FARP1: variants seen among roughly 807,000 people sequenced by gnomAD.
FARP1 encodes FERM, ARHGEF and pleckstrin domain-containing protein 1.
In FARP1, 52 loss-of-function variants were observed where a neutral mutation model predicts 128.8. That is an observed-to-expected ratio of 0.40 (90% CI 0.32 to 0.51). The LOEUF (loss-of-function observed/expected upper bound fraction) is 0.51, where lower values mean the gene tolerates loss of function less well. FARP1 is among the 20% of genes least tolerant of loss of function. The probability of loss-of-function intolerance (pLI) is 0.45; values close to 1 mark genes in which losing one functional copy is unlikely to be tolerated. For synonymous variants in FARP1, 580 were observed against 551.8 expected (o/e 1.05, Z -0.72); for missense variants, 1,333 against 1,367.9 (o/e 0.97, Z 0.40).
chr13:98,192,029 A>G (rs1279515208), intron 1 of FARP1, among the ~76,000 whole-genome samples: 3 of 152,168 alleles, frequency 2.0e-5, no homozygotes, highest in Admixed American at 2.0e-4. Flanking sequence ...AATTCTTTGC[A>G]TCTGACATCC....
At chr13:98,377,398 C>T (rs368348978) in intron 5 of FARP1, among the ~76,000 whole-genome samples, 1 of 151,644 alleles carries the variant, frequency 6.6e-6, no homozygotes, top group African/African-American at 2.4e-5. Flanking sequence ...AAAATGACGC[C>T]CCCTTGTTTT....
rs543729884 is a variant in FARP1, at chr13:98,226,417, T to C, written c.171+13004T>C. On this transcript the variant is annotated intron_variant, in intron 2 of 26. Transcript: ENST00000319562. ...TGACTTCATTGCAACTTGATCATTT[T>C]CAAAGACCTGATTTCCAAATAAGTT... Among the ~76,000 whole-genome samples the C allele has an allele frequency of 1.7e-4, 26 of 152,318 alleles. No homozygotes were observed. The South Asian group carries it at 2.1e-3, about 12-fold the overall frequency.
At chr13:98,430,635 G>T (rs3825431) in intron 17 of FARP1, among the ~76,000 whole-genome samples, 51,523 of 152,078 alleles carry the variant, frequency 0.34, 9,528 homozygotes, top group East Asian at 0.62. Flanking sequence ...GTTTTAAAAC[G>T]ATGTAATGCT....
At chr13:98,312,776 C>T (rs1886535605) in intron 2 of FARP1, among the ~76,000 whole-genome samples, 1 of 152,088 alleles carries the variant, frequency 6.6e-6, no homozygotes, top group Non-Finnish European at 1.5e-5. Flanking sequence ...AGAGCCGCGG[C>T]GTTTTCTTGA....
intron 2 of FARP1, among the ~76,000 whole-genome samples, chr13:98,230,828 A>G (rs1403830620): frequency 6.6e-6 from 1 of 152,194 alleles, no homozygotes; most frequent in Non-Finnish European, 1.5e-5. Flanking sequence ...GTCTGTTCTC[A>G]TGCTGATAAT....
intron 2 of FARP1, among the ~76,000 whole-genome samples, chr13:98,284,672 G>T (rs2139639077): frequency 6.6e-6 from 1 of 152,034 alleles, no homozygotes; most frequent in African/African-American, 2.4e-5. Context: ...GACTCCCTTT[G>T]TCCCTCAATG....
intron 2 of FARP1, among the ~76,000 whole-genome samples, chr13:98,255,207 G>A (rs547711830): frequency 2.6e-5 from 4 of 152,230 alleles, no homozygotes; most frequent in African/African-American, 9.6e-5. Flanking sequence ...AAATGTAAAA[G>A]TGGTTGCTGT....
At chr13:98,174,167 G>A (rs969972619) in intron 1 of FARP1, among the ~76,000 whole-genome samples, 1 of 152,062 alleles carries the variant, frequency 6.6e-6, no homozygotes, top group African/African-American at 2.4e-5. Context: ...TGCCAAATTC[G>A]GCAACGCTTA....
intron 1 of FARP1, among the ~76,000 whole-genome samples, chr13:98,172,223 G>A (rs1398253245): frequency 1.3e-5 from 2 of 151,944 alleles, no homozygotes; most frequent in Middle Eastern, 3.2e-3. Context: ...AGGGTGTGGT[G>A]ACTGATTTCA....
chr13:98,438,171 G>A (rs1429421856), intron 19 of FARP1, among the ~76,000 whole-genome samples: 5 of 152,118 alleles, frequency 3.3e-5, no homozygotes, highest in Non-Finnish European at 5.9e-5. Context: ...CAGCCCCGGG[G>A]AGGATGTCAC....
intron 2 of FARP1, among the ~76,000 whole-genome samples, chr13:98,275,827 A>T (rs1884630295): frequency 6.6e-6 from 1 of 152,214 alleles, no homozygotes; most frequent in African/African-American, 2.4e-5. Flanking sequence ...TGGCAGCAGC[A>T]TGATTTGTGT....
intron 6 of FARP1, among the ~76,000 whole-genome samples, chr13:98,379,189 AATATATAATATATATATAATATATAAT>A: frequency 1.4e-5 from 1 of 71,412 alleles, no homozygotes; most frequent in African/African-American, 8.0e-5. Context: ...TAATATATAT[AATATATAATATATATATAATATATAAT>A]ATATAATCTA....
At chr13:98,321,549 C>T (rs1886992828) in intron 2 of FARP1, among the ~76,000 whole-genome samples, 1 of 152,124 alleles carries the variant, frequency 6.6e-6, no homozygotes, top group South Asian at 2.1e-4. Context: ...AGTAGCAATA[C>T]CAGAAGACAT....
At chr13:98,219,246 T>C (rs1881274403) in intron 2 of FARP1, among the ~76,000 whole-genome samples, 1 of 152,198 alleles carries the variant, frequency 6.6e-6, no homozygotes, top group Non-Finnish European at 1.5e-5. Context: ...GTTTCCTCTT[T>C]GTGGCCCTGC....
chr13:98,244,714 G>A (rs757106977), intron 2 of FARP1: 3 of 1,610,878 alleles, frequency 1.9e-6, no homozygotes, highest in South Asian at 2.2e-5. Context: ...TTTTGAGTCA[G>A]GACTTGAAGT....
At chr13:98,241,108 T>G (rs1168167666) in intron 2 of FARP1, among the ~76,000 whole-genome samples, 1 of 152,156 alleles carries the variant, frequency 6.6e-6, no homozygotes, top group Non-Finnish European at 1.5e-5. Context: ...TCGTATGGGG[T>G]GAACGAAATT....
At chr13:98,302,947 G>T (rs543139974) in intron 2 of FARP1, among the ~76,000 whole-genome samples, 1 of 152,224 alleles carries the variant, frequency 6.6e-6, no homozygotes, top group Non-Finnish European at 1.5e-5. Flanking sequence ...TGATGTGGCA[G>T]CCTGTAGAAG....
At chr13:98,146,554 G>T (rs1193669190) in intron 1 of FARP1, among the ~76,000 whole-genome samples, 1 of 152,188 alleles carries the variant, frequency 6.6e-6, no homozygotes, top group Admixed American at 6.5e-5. Context: ...TAGCATGGTG[G>T]ACTGGACATT....
Position 98,451,418 on chromosome 13 carries a change from A to G in FARP1, c.*3101A>G, listed in dbSNP as rs1893187212. 6.6e-6 allele frequency: 1 copy of G among 152,160 alleles called. No homozygotes were observed. Among genetic ancestry groups the G allele is most frequent in the African/African-American group, 2.4e-5 (1 of 41,432 alleles). 9.4% of individuals were successfully genotyped at this position (152,160 alleles called of 1,614,324 possible). The stretch of plus-strand genomic sequence containing the variant: ...GTAATGAGTACAATAAGAATTAGCA[A>G]CTCAGTTCTATTTCCCCAACCAAAA... On this transcript the variant is annotated 3_prime_UTR_variant, in exon 27 of 27. Transcript: ENST00000319562.
Sources: allele counts gnomAD v4.1 joint callset (sites outside exome capture counted in the v4.1 genomes callset), GRCh38; gene constraint gnomAD v4.1.1; transcripts MANE v1.5; gene names NCBI Gene and HGNC (gene_info 2026-07-23, HGNC 2026-07-21).